The following LAMA2 variants were observed in gnomAD, a reference collection of about 807,000 sequenced individuals.
LAMA2 encodes laminin subunit alpha-2.
LAMA2 carries 269 observed loss-of-function variants against 364.8 expected under a neutral mutation model. The ratio of observed to expected loss-of-function variants is 0.74; its 90% confidence interval spans 0.67 to 0.82. The LOEUF (loss-of-function observed/expected upper bound fraction) is 0.82. Ranked by LOEUF, LAMA2 falls within the 40% of genes least tolerant of loss-of-function variation. The pLI, the probability that LAMA2 is intolerant of heterozygous loss-of-function variation, is 0.00. For synonymous variants in LAMA2, 1,379 were observed against 1,370.6 expected, an observed-to-expected ratio of 1.01 and a Z score of -0.14; for missense variants, 3,807 against 3,873.2, an observed-to-expected ratio of 0.98 and a Z score of 0.45.
At chr6:129,018,553 A>G (rs1258840256) in intron 1 of LAMA2, among the ~76,000 whole-genome samples, 1 of 151,636 alleles carries the variant, frequency 6.6e-6, no homozygotes, top group Non-Finnish European at 1.5e-5. Flanking sequence ...AAAAAAGCGA[A>G]GTATTTAAAC....
Position 129,291,734 on chromosome 6 carries a change from G to A in LAMA2, c.2856+14G>A. ...GACAAATGCAAGGTAAGGAGTAGAG[G>A]CTGACCCATAAATTACTTTCTCCTT... On this transcript the variant is annotated intron_variant, in intron 20 of 64. Coordinates refer to ENST00000421865, the MANE Select transcript of LAMA2 (RefSeq NM_000426.4). 1.3e-6 allele frequency: 2 copies of A among 1,553,404 alleles called. No homozygotes were observed. The highest frequency in any genetic ancestry group is 1.8e-6 in the Non-Finnish European group (2 of 1,124,782).
At chr6:128,929,014 C>T (rs538262720) in intron 1 of LAMA2, 2 of 1,386,718 alleles carry the variant, frequency 1.4e-6, no homozygotes, top group South Asian at 2.3e-5. Context: ...AGATGAAGCC[C>T]ATATATGCAT....
At chr6:129,303,335 G>C (rs532620092) in intron 22 of LAMA2, among the ~76,000 whole-genome samples, 6 of 151,976 alleles carry the variant, frequency 3.9e-5, no homozygotes, top group African/African-American at 1.4e-4. Context: ...GTTTCTTTTT[G>C]GTCCATTTAG....
At chr6:129,489,988 C>A (rs985457575) in intron 56 of LAMA2, among the ~76,000 whole-genome samples, 1 of 151,604 alleles carries the variant, frequency 6.6e-6, no homozygotes, top group South Asian at 2.1e-4. Context: ...GTTTAATGTA[C>A]CTTTTTGCAC....
intron 41 of LAMA2, 93 bp from the exon 42 acceptor site, chr6:129,438,552 AT>A: frequency 3.0e-6 from 2 of 656,282 alleles, no homozygotes; most frequent in East Asian, 2.8e-5. Flanking sequence ...CTTTTAATTA[AT>A]TTTATATTAA....
rs976980325 is a variant in LAMA2 at position 129,125,124 on chromosome 6, T to G, written c.640-18777T>G. ...ATCAATTTTCCGTGAGGTGTGAGAA[T>G]GAGATGGCTGAGGGATGAGTCCATG... On this transcript the variant is annotated intron_variant, in intron 4 of 64. Coordinates refer to ENST00000421865, the MANE Select transcript of LAMA2 (RefSeq NM_000426.4). Among the ~76,000 whole-genome samples the G allele has an allele frequency of 2.6e-5, 4 of 152,132 alleles. No homozygotes were observed. The East Asian group carries it at 7.7e-4, about 29-fold the overall frequency.
chr6:129,169,286 C>T (rs374269856), intron 9 of LAMA2, among the ~76,000 whole-genome samples: 39,356 of 136,352 alleles, frequency 0.29, 8,583 homozygotes, highest in African/African-American at 0.64. Flanking sequence ...CTGTATGATA[C>T]TGGCTGTGGG....
At chr6:129,376,398 G>A (rs578204295) in intron 34 of LAMA2, among the ~76,000 whole-genome samples, 2 of 152,226 alleles carry the variant, frequency 1.3e-5, no homozygotes, top group Admixed American at 6.5e-5. Flanking sequence ...TTTTTTAGCT[G>A]GTCTCTCTGC....
chr6:128,991,632 T>C (rs545135040), intron 1 of LAMA2, among the ~76,000 whole-genome samples: 2 of 152,342 alleles, frequency 1.3e-5, no homozygotes, highest in African/African-American at 2.4e-5. Flanking sequence ...AATTCTGTAA[T>C]AGTGGCTAAC....
intron 18 of LAMA2, among the ~76,000 whole-genome samples, chr6:129,286,296 C>T (rs1030594937): frequency 1.3e-5 from 2 of 151,680 alleles, no homozygotes; most frequent in African/African-American, 4.8e-5. Context: ...CCATAAGATT[C>T]AGATGCCCTG....
At chr6:129,159,484 G>A (rs1197869870) in intron 8 of LAMA2, among the ~76,000 whole-genome samples, 1 of 152,174 alleles carries the variant, frequency 6.6e-6, no homozygotes, top group Non-Finnish European at 1.5e-5. Flanking sequence ...CGGGGAGAGC[G>A]GCTTTCCTCA....
chr6:129,315,431 CCAAAG>C, intron 24 of LAMA2, 40 bp from the exon 25 acceptor site: 2 of 1,565,838 alleles, frequency 1.3e-6, no homozygotes, highest in Admixed American at 3.3e-5. Flanking sequence ...AAAGAAATGT[CCAAAG>C]CGTAAATTCA....
chr6:129,465,969 C>T (rs943778736), intron 51 of LAMA2, among the ~76,000 whole-genome samples: 8 of 151,824 alleles, frequency 5.3e-5, no homozygotes, highest in African/African-American at 1.7e-4. Context: ...TGCTCTAATT[C>T]TGTGTAGTAT....
At chr6:129,240,840 G>C (rs982611633) in intron 12 of LAMA2, among the ~76,000 whole-genome samples, 6 of 152,200 alleles carry the variant, frequency 3.9e-5, no homozygotes, top group Admixed American at 2.6e-4. Context: ...GCTGGGAAAA[G>C]TAATGCCATA....
Position 129,292,713 on chromosome 6 carries a change from G to T in LAMA2, c.2856+993G>T, listed in dbSNP as rs117634573. ...CCGATGTCAAACTGGCCTTACTGTA[G>T]GAAGTTTGAAAATATCATCTGCTTC... On this transcript the variant is annotated intron_variant, in intron 20 of 64. Transcript: ENST00000421865. The T allele has an allele frequency of 2.6e-3, 1,928 of 733,600 alleles. 4 individuals are homozygous for T. Among genetic ancestry groups the T allele is most frequent in the Non-Finnish European group, 3.1e-3 (1,838 of 599,972 alleles). The allele number at this position is 733,600 out of a possible 1,614,324, so 45.4% of individuals were successfully genotyped here. A position where few individuals can be genotyped will look rare whatever the true frequency, so the allele number is the denominator to read the frequency against.
chr6:129,295,215 A>G (rs966960173), intron 20 of LAMA2, among the ~76,000 whole-genome samples: 5 of 152,162 alleles, frequency 3.3e-5, no homozygotes, highest in Admixed American at 2.6e-4. Context: ...GAGAATGACA[A>G]CTCTCTGCCA....
intron 42 of LAMA2, among the ~76,000 whole-genome samples, chr6:129,440,212 A>G (rs1168098437): frequency 6.6e-6 from 1 of 152,118 alleles, no homozygotes; most frequent in Non-Finnish European, 1.5e-5. Context: ...TAGGATCAGG[A>G]GACAAATGCA....
At chr6:129,447,746 G>C (rs966563163) in intron 45 of LAMA2, among the ~76,000 whole-genome samples, 2 of 152,168 alleles carry the variant, frequency 1.3e-5, no homozygotes. Flanking sequence ...GCTGTGGCAA[G>C]AGAAAAGAAG....
intron 1 of LAMA2, among the ~76,000 whole-genome samples, chr6:129,034,332 G>A (rs1653914577): frequency 6.6e-6 from 1 of 152,124 alleles, no homozygotes; most frequent in South Asian, 2.1e-4. Context: ...GTATTTGGAG[G>A]AGTTTGGGGA....
Sources: gnomAD v4.1 joint callset for allele counts (sites outside exome capture counted in the v4.1 genomes callset) on GRCh38, gnomAD v4.1.1 for gene constraint, MANE v1.5 for transcripts, NCBI Gene and HGNC (gene_info 2026-07-23, HGNC 2026-07-21) for gene names.